The following RBM6 variants were observed in gnomAD, a reference collection of about 807,000 sequenced individuals.
RBM6 encodes RNA-binding protein 6.
A neutral mutation model predicts 140.4 loss-of-function variants in RBM6; 23 were observed. That is an observed-to-expected ratio of 0.16 (90% CI 0.12 to 0.23). RBM6 has a LOEUF of 0.23. Ranked by LOEUF, RBM6 falls within the 10% of genes least tolerant of loss-of-function variation. The pLI is 1.00. For synonymous variants in RBM6, 439 were observed against 475.6 expected, an observed-to-expected ratio of 0.92 and a Z score of 1.00; for missense variants, 1,139 against 1,386.7, an observed-to-expected ratio of 0.82 and a Z score of 2.84.
intron 3 of RBM6, among the ~76,000 whole-genome samples, chr3:49,969,475 A>G (rs557800734): frequency 1.2e-4 from 17 of 147,048 alleles, no homozygotes; most frequent in Admixed American, 2.7e-4. Context: ...GTATATATAT[A>G]TATGAATATA....
chr3:50,011,086 G>T (rs893210431), intron 6 of RBM6, among the ~76,000 whole-genome samples: 1 of 151,840 alleles, frequency 6.6e-6, no homozygotes, highest in Non-Finnish European at 1.5e-5. Context: ...AGAGGGCTGG[G>T]CACAGTGGCT....
intron 1 of RBM6, among the ~76,000 whole-genome samples, chr3:49,947,406 G>T (rs2083544990): frequency 6.6e-6 from 1 of 152,044 alleles, no homozygotes; most frequent in Non-Finnish European, 1.5e-5. Flanking sequence ...CTCTACCCTG[G>T]GTGACAGAGT....
At chr3:50,064,936 T>A in intron 15 of RBM6, 95 bp from the exon 16 acceptor site, 1 of 974,870 alleles carries the variant, frequency 1.0e-6, no homozygotes, top group South Asian at 1.5e-5. Flanking sequence ...CCTCCCAGAG[T>A]GCTGGGATTA....
At chr3:49,979,393 C>T (rs1482256170) in intron 5 of RBM6, among the ~76,000 whole-genome samples, 1 of 150,432 alleles carries the variant, frequency 6.6e-6, no homozygotes, top group Non-Finnish European at 1.5e-5. Flanking sequence ...CTGAATTGTA[C>T]ACTTTAAAAT....
chr3:50,030,884 T>G (rs1300325190), intron 6 of RBM6, among the ~76,000 whole-genome samples: 2 of 150,966 alleles, frequency 1.3e-5, no homozygotes, highest in African/African-American at 4.9e-5. Context: ...ACATAGTGAG[T>G]AGAAGGATGG....
intron 5 of RBM6, among the ~76,000 whole-genome samples, chr3:49,988,846 C>T (rs1239219339): frequency 6.6e-6 from 1 of 151,918 alleles, no homozygotes. Context: ...CCTGTGGTAC[C>T]AGGTACTCCG....
chr3:49,981,931 G>A (rs1458192288), intron 5 of RBM6, among the ~76,000 whole-genome samples: 4 of 152,166 alleles, frequency 2.6e-5, no homozygotes, highest in Non-Finnish European at 5.9e-5. Flanking sequence ...ACAGCTTCTG[G>A]ATTATGTTTC....
At chr3:49,945,524 C>G (rs917878885) in intron 1 of RBM6, among the ~76,000 whole-genome samples, 1 of 151,960 alleles carries the variant, frequency 6.6e-6, no homozygotes, top group African/African-American at 2.4e-5. Context: ...CGTGTTGAAG[C>G]CCTAAGCCCC....
chr3:50,024,902 A>AGTGGCGTGAACTTGGGAGATGGAGC (rs2087712848), intron 6 of RBM6, among the ~76,000 whole-genome samples: 1 of 151,770 alleles, frequency 6.6e-6, no homozygotes, highest in Non-Finnish European at 1.5e-5. Flanking sequence ...GAAACAGGAG[A>AGTGGCGTGAACTTGGGAGATGGAGC]GTGGCGTGAA....
At chr3:49,974,302 C>T (rs2084956924) in intron 4 of RBM6, among the ~76,000 whole-genome samples, 1 of 151,940 alleles carries the variant, frequency 6.6e-6, no homozygotes, top group African/African-American at 2.4e-5. Context: ...TCACTACAGC[C>T]TCAAACTCCT....
intron 1 of RBM6, among the ~76,000 whole-genome samples, chr3:49,947,260 AAAGGG>A (rs2083531447): frequency 4.0e-5 from 1 of 24,864 alleles, no homozygotes; most frequent in African/African-American, 1.7e-4. Flanking sequence ...TCAAAAAAAA[AAAGGG>A]GGGGGGGGGG....
Position 50,054,345 on chromosome 3 carries a change from A to G in RBM6, c.1643A>G (p.Asn548Ser). Reference protein sequence around the residue: ...DFWYCKRCKANIGGHRSSCSF... With the variant: ...DFWYCKRCKASIGGHRSSCSF... Reference sequence around the variant, plus strand: ...CCTTCTTCCTTACAGTGTAAGGCAAACATTGGTGGGCACCGATCTTCCTGT... The same window carrying G: ...CCTTCTTCCTTACAGTGTAAGGCAAGCATTGGTGGGCACCGATCTTCCTGT... The change falls in exon 8 of 21, where the codon AAC becomes AGC. Residue 548 changes from asparagine (N) to serine (S), a missense_variant. Asn to Ser is a conservative substitution (Grantham distance 46, BLOSUM62 1). Coordinates refer to ENST00000266022, the MANE Select transcript of RBM6 (RefSeq NM_005777.3). 1 of 1,612,256 alleles carries G rather than the reference A, an allele frequency of 6.2e-7. No individual in the cohort carries two copies. The highest frequency in any genetic ancestry group is 8.5e-7 in the Non-Finnish European group (1 of 1,178,336).
rs566808500 is a variant in RBM6, at chr3:50,051,985, G to T, written c.1633-2350G>T. The stretch of plus-strand genomic sequence containing the variant: ...CTTTTGGGGTGATGAAAATGTTTCA[G>T]AATTAGATTATGGTGATGGTTGCAC... On this transcript the variant is annotated intron_variant, in intron 7 of 20. Transcript: ENST00000266022. Among the ~76,000 whole-genome samples, 5 of 152,342 alleles carry T rather than the reference G, an allele frequency of 3.3e-5. No individual in the cohort carries two copies. The South Asian group carries it at 1.0e-3, about 32-fold the overall frequency.
intron 6 of RBM6, among the ~76,000 whole-genome samples, chr3:50,023,181 A>G (rs1476479767): frequency 3.3e-5 from 5 of 152,122 alleles, no homozygotes; most frequent in Admixed American, 6.6e-5. Context: ...TTTATCCCTC[A>G]GAATCTTTCA....
At chr3:50,015,226 G>A (rs1204762573) in intron 6 of RBM6, among the ~76,000 whole-genome samples, 1 of 150,808 alleles carries the variant, frequency 6.6e-6, no homozygotes, top group East Asian at 1.9e-4. Context: ...TCCTGCTTCA[G>A]CCTCCCAAGT....
intron 5 of RBM6, among the ~76,000 whole-genome samples, chr3:49,990,822 T>C (rs2108705867): frequency 6.6e-6 from 1 of 152,346 alleles, no homozygotes; most frequent in East Asian, 1.9e-4. Context: ...TGTCTGAACA[T>C]GTTCAGGAAT....
Position 50,070,532 on chromosome 3 carries a change from G to A in RBM6, c.3096G>A (p.Lys1032=), listed in dbSNP as rs1295124818. The change falls in exon 19 of 21, where the codon AAG becomes AAA. Residue 1032 remains lysine (K), a synonymous_variant. Transcript: ENST00000266022. ...ACTCTCCAGAAAGGAAACGGATTAA[G>A]TACTCCAGGGAAACTGACAGGTAAG... ...SFDSPERKRI[K]YSRETDSDRK... 4 of 1,613,390 alleles carry A rather than the reference G, an allele frequency of 2.5e-6. No homozygotes were observed. The highest frequency in any genetic ancestry group is 2.2e-5 in the East Asian group (1 of 44,882).
intron 6 of RBM6, among the ~76,000 whole-genome samples, chr3:50,006,931 CAAAA>C (rs1202355520): frequency 1.1e-5 from 1 of 92,738 alleles, no homozygotes; most frequent in Non-Finnish European, 2.3e-5. Flanking sequence ...GACTCCATCT[CAAAA>C]AAAAAAAAAA....
At chr3:50,076,901 A>G in intron 20 of RBM6, 107 bp from the exon 21 acceptor site, 3 of 1,115,182 alleles carry the variant, frequency 2.7e-6, no homozygotes, top group East Asian at 6.1e-5. Context: ...AAAAAAAATT[A>G]TCCTATATAC....
Sources: allele counts gnomAD v4.1 joint callset (sites outside exome capture counted in the v4.1 genomes callset), GRCh38; gene constraint gnomAD v4.1.1; transcripts MANE v1.5; gene names NCBI Gene and HGNC (gene_info 2026-07-23, HGNC 2026-07-21).